Variants in OR8I2 observed in about 807,000 individuals in gnomAD.
OR8I2 encodes olfactory receptor 8I2.
For synonymous variants in OR8I2, 158 were observed against 142.8 expected (o/e 1.11, Z -0.76); for missense variants, 431 against 368.3 (o/e 1.17, Z -1.39).
chr11:56,093,593 G>A lies in OR8I2; in HGVS notation c.286G>A (p.Gly96Ser). Reference sequence around the variant, plus strand: ...CAATCGGAGATCCATCTCCTTTGTTGGCTGCTTTGTTCAAATGTACTTTTT... The same window carrying A: ...CAATCGGAGATCCATCTCCTTTGTTAGCTGCTTTGTTCAAATGTACTTTTT... The part of the protein sequence containing the change: ...QSNRRSISFV[G>S]CFVQMYFFVG... The change falls in exon 1 of 1, where the codon GGC becomes AGC. Residue 96 changes from glycine (G) to serine (S), a missense_variant. Gly to Ser is a moderately conservative substitution (Grantham distance 56). Transcript: ENST00000302124. 1 of 1,613,840 alleles carries A rather than the reference G, an allele frequency of 6.2e-7. No homozygotes were observed. The highest frequency in any genetic ancestry group is 8.5e-7 in the Non-Finnish European group (1 of 1,179,966).
In OR8I2 at chr11:56,093,836, T is replaced by C. The variant is rs372144234; in HGVS notation, c.529T>C (p.Phe177Leu). The C allele has an allele frequency of 1.9e-6, 3 of 1,614,082 alleles. No homozygotes were observed. Among genetic ancestry groups the C allele is most frequent in the Non-Finnish European group, 1.7e-6 (2 of 1,179,986 alleles). ...CTGTGATTCCAGCATCAATCATTTTTTTTGTGACACCACAGCTCTTTTAGC... is the reference window on the plus strand; with the variant it reads ...CTGTGATTCCAGCATCAATCATTTTCTTTGTGACACCACAGCTCTTTTAGC... ...AFCDSSINHF[F>L]CDTTALLALS... The change falls in exon 1 of 1, where the codon TTT becomes CTT. Residue 177 changes from phenylalanine (F) to leucine (L), a missense_variant. Coordinates refer to ENST00000302124, the MANE Select transcript of OR8I2 (RefSeq NM_001003750.1).
Position 56,093,676 on chromosome 11 carries a change from CATAGCA to C in OR8I2, c.372_377del (p.Ala125_Ile126del). Reference sequence around the variant, plus strand: ...TGGGATCAATGGCCTACAATCGCTACATAGCAATCTGCAATCCCTTACTGTATTCAG... The same window carrying C: ...TGGGATCAATGGCCTACAATCGCTACATCTGCAATCCCTTACTGTATTCAG... On this transcript the variant is annotated inframe_deletion, in exon 1 of 1. Coordinates refer to ENST00000302124, the MANE Select transcript of OR8I2 (RefSeq NM_001003750.1). 6.2e-7 allele frequency: 1 copy of C among 1,613,980 alleles called. No homozygotes were observed. The highest frequency in any genetic ancestry group is 8.5e-7 in the Non-Finnish European group (1 of 1,179,948).
In OR8I2 at chr11:56,094,099, A is replaced by G. The variant is rs1234407415; in HGVS notation, c.792A>G (p.Thr264=). Residue 264 remains threonine (T), a synonymous_variant, in exon 1 of 1, where the codon ACA becomes ACG. Coordinates refer to ENST00000302124, the MANE Select transcript of OR8I2 (RefSeq NM_001003750.1). ...TCACCTATTTGCAACCTGATAACAC[A>G]TCATCGCTGACCCAGGCGCAGGTGG... The part of the protein sequence containing the change: ...LIFTYLQPDN[T]SSLTQAQVAS... 1 of 1,613,826 alleles carries G rather than the reference A, an allele frequency of 6.2e-7. No homozygotes were observed. The highest frequency in any genetic ancestry group is 2.2e-5 in the East Asian group (1 of 44,860).
Position 56,093,332 on chromosome 11 carries a change from G to GT in OR8I2, c.27dup (p.Thr10TyrfsTer13). On this transcript the variant is annotated frameshift_variant, in exon 1 of 1. Transcript: ENST00000302124. LOFTEE classifies it low-confidence loss of function (END_TRUNC). Reference sequence around the variant, plus strand: ...AATGGCTGGCAACAATTTCACTGAGGTTACCGTCTTCATCCTCTCTGGATT... The same window carrying GT: ...AATGGCTGGCAACAATTTCACTGAGGTTTACCGTCTTCATCCTCTCTGGATT... 6.3e-7 allele frequency: 1 copy of GT among 1,590,980 alleles called. No individual in the cohort carries two copies. Among genetic ancestry groups the GT allele is most frequent in the East Asian group, 2.2e-5 (1 of 44,750 alleles).
Position 56,093,988 on chromosome 11 carries a change from C to T in OR8I2, c.681C>T (p.Ile227=). Residue 227 remains isoleucine, a synonymous_variant, in exon 1 of 1, where the codon ATC becomes ATT. Coordinates refer to ENST00000302124, the MANE Select transcript of OR8I2 (RefSeq NM_001003750.1). Reference sequence around the variant, plus strand: ...TCATCATCTCAGCCATCCTGAGGATCCAGTCAGCAGCAGGCAGGCAGAAGG... The same window carrying T: ...TCATCATCTCAGCCATCCTGAGGATTCAGTCAGCAGCAGGCAGGCAGAAGG... The part of the protein sequence containing the change: ...YIIIISAILR[I]QSAAGRQKAF... 3.7e-6 allele frequency: 6 copies of T among 1,613,936 alleles called. No individual in the cohort carries two copies. The highest frequency in any genetic ancestry group is 2.2e-5 in the East Asian group (1 of 44,854).
Position 56,094,121 on chromosome 11 carries a change from G to A in OR8I2, c.814G>A (p.Val272Met), listed in dbSNP as rs369995431. 1.9e-6 allele frequency: 3 copies of A among 1,613,786 alleles called. No homozygotes were observed. In the African/African-American group the frequency reaches 4.0e-5, roughly 22 times the overall value. ...CACATCATCGCTGACCCAGGCGCAG[G>A]TGGCATCTGTATTCTATACGATTGT... ...DNTSSLTQAQ[V>M]ASVFYTIVIP... Residue 272 changes from valine (V) to methionine (M), a missense_variant, in exon 1 of 1, where the codon GTG becomes ATG. Physicochemically the swap from Val to Met is conservative, Grantham distance 21. Transcript: ENST00000302124.
rs1394864559 is a variant in OR8I2 at position 56,093,762 on chromosome 11, G to C, written c.455G>C (p.Gly152Ala). 3 of 1,613,858 alleles carry C rather than the reference G, an allele frequency of 1.9e-6. No homozygotes were observed. Among genetic ancestry groups the C allele is most frequent in the Non-Finnish European group, 2.5e-6 (3 of 1,179,966 alleles). ...NWLGVMPYVI[G>A]FTSSLISVWV... is the part of the protein sequence containing the mutation. ...CTGGGAGTAATGCCATATGTGATAG[G>C]CTTCACAAGCTCGCTGATATCTGTC... The change falls in exon 1 of 1, where the codon GGC becomes GCC. Residue 152 changes from glycine (G) to alanine (A), a missense_variant. Transcript: ENST00000302124.
At position 56,093,600 on chromosome 11, in the gene OR8I2, T is replaced by A. The variant is rs1232751238; in HGVS notation, c.293T>A (p.Phe98Tyr). The A allele has an allele frequency of 6.2e-7, 1 of 1,614,038 alleles. No homozygotes were observed. The highest frequency in any genetic ancestry group is 8.5e-7 in the Non-Finnish European group (1 of 1,179,978). ...NRRSISFVGCFVQMYFFVGLV... is the reference protein window; with the variant it reads ...NRRSISFVGCYVQMYFFVGLV... Reference sequence around the variant, plus strand: ...AGATCCATCTCCTTTGTTGGCTGCTTTGTTCAAATGTACTTTTTTGTTGGA... The same window carrying A: ...AGATCCATCTCCTTTGTTGGCTGCTATGTTCAAATGTACTTTTTTGTTGGA... The change falls in exon 1 of 1, where the codon TTT becomes TAT. Residue 98 changes from phenylalanine to tyrosine, a missense_variant. Physicochemically the swap from Phe to Tyr is conservative, Grantham distance 22 (BLOSUM62 3). Coordinates refer to ENST00000302124, the MANE Select transcript of OR8I2 (RefSeq NM_001003750.1).
chr11:56,094,039 C>T lies in OR8I2; in HGVS notation c.732C>T (p.Leu244=), dbSNP rs759448888. 2 of 1,614,042 alleles carry T rather than the reference C, an allele frequency of 1.2e-6. No homozygotes were observed. The highest frequency in any genetic ancestry group is 2.7e-5 in the African/African-American group (2 of 75,016). The change falls in exon 1 of 1, where the codon CTC becomes CTT. Residue 244 remains leucine (L), a synonymous_variant. Transcript: ENST00000302124. ...QKAFSTCASH[L]MAVTIFYGSL... ...CCTTCTCCACCTGCGCATCCCACCT[C>T]ATGGCTGTAACTATCTTTTATGGGT...
In OR8I2 at chr11:56,093,571, T is replaced by C; in HGVS notation, c.264T>C (p.Asn88=). 2.5e-6 allele frequency: 4 copies of C among 1,614,040 alleles called. No homozygotes were observed. The highest frequency in any genetic ancestry group is 3.4e-6 in the Non-Finnish European group (4 of 1,179,968). ...TPKALVNFQS[N]RRSISFVGCF... is the part of the protein sequence containing the mutation. ...AGGCATTGGTGAATTTCCAATCCAATCGGAGATCCATCTCCTTTGTTGGCT... is the reference window on the plus strand; with the variant it reads ...AGGCATTGGTGAATTTCCAATCCAACCGGAGATCCATCTCCTTTGTTGGCT... The change falls in exon 1 of 1, where the codon AAT becomes AAC. Residue 88 remains asparagine, a synonymous_variant. Transcript: ENST00000302124.
chr11:56,093,555 T>C lies in OR8I2; in HGVS notation c.248T>C (p.Val83Ala), dbSNP rs750505231. Residue 83 changes from valine (V) to alanine (A), a missense_variant, in exon 1 of 1, where the codon GTG becomes GCG. Coordinates refer to ENST00000302124, the MANE Select transcript of OR8I2 (RefSeq NM_001003750.1). ...TCTACTGTAACACCTAAGGCATTGGTGAATTTCCAATCCAATCGGAGATCC... is the reference window on the plus strand; with the variant it reads ...TCTACTGTAACACCTAAGGCATTGGCGAATTTCCAATCCAATCGGAGATCC... ...YSSTVTPKAL[V>A]NFQSNRRSIS... 4.0e-5 allele frequency: 65 copies of C among 1,613,900 alleles called. No homozygotes were observed. Among genetic ancestry groups the C allele is most frequent in the Non-Finnish European group, 5.3e-5 (62 of 1,179,960 alleles).
In OR8I2 at chr11:56,093,920, A is replaced by G. The variant is rs543101818; in HGVS notation, c.613A>G (p.Thr205Ala). ...GGTGAGCTTTGTCTTAGCTGGATTC[A>G]CTCTTCTTAGCTCTCTCCTTATCAT... Reference protein sequence around the residue: ...EMVSFVLAGFTLLSSLLIITV... With the variant: ...EMVSFVLAGFALLSSLLIITV... Residue 205 changes from threonine (T) to alanine (A), a missense_variant, in exon 1 of 1, where the codon ACT (threonine) becomes GCT (alanine). By Grantham distance (58) the Thr-to-Ala change is moderately conservative. Transcript: ENST00000302124. 1 of 1,613,738 alleles carries G rather than the reference A, an allele frequency of 6.2e-7. No homozygotes were observed. The highest frequency in any genetic ancestry group is 8.5e-7 in the Non-Finnish European group (1 of 1,179,920).
Position 56,094,115 on chromosome 11 carries a change from G to A in OR8I2, c.808G>A (p.Ala270Thr). 2 of 1,613,970 alleles carry A rather than the reference G, an allele frequency of 1.2e-6. No homozygotes were observed. Among genetic ancestry groups the A allele is most frequent in the South Asian group, 1.1e-5 (1 of 91,078 alleles). ...TGATAACACATCATCGCTGACCCAGGCGCAGGTGGCATCTGTATTCTATAC... is the reference window on the plus strand; with the variant it reads ...TGATAACACATCATCGCTGACCCAGACGCAGGTGGCATCTGTATTCTATAC... ...QPDNTSSLTQ[A>T]QVASVFYTIV... is the part of the protein sequence containing the mutation. The change falls in exon 1 of 1, where the codon GCG becomes ACG. Residue 270 changes from alanine to threonine, a missense_variant. Physicochemically the swap from Ala to Thr is moderately conservative, Grantham distance 58. Coordinates refer to ENST00000302124, the MANE Select transcript of OR8I2 (RefSeq NM_001003750.1).
chr11:56,093,782 T>A lies in OR8I2; in HGVS notation c.475T>A (p.Ser159Thr), dbSNP rs777937310. The A allele has an allele frequency of 2.5e-6, 4 of 1,613,958 alleles. No individual in the cohort carries two copies. Among genetic ancestry groups the A allele is most frequent in the Non-Finnish European group, 3.4e-6 (4 of 1,179,934 alleles). Residue 159 changes from serine (S) to threonine (T), a missense_variant, in exon 1 of 1, where the codon TCT becomes ACT. Ser to Thr is a moderately conservative substitution (Grantham distance 58). Transcript: ENST00000302124. ...YVIGFTSSLI[S>T]VWVISSLAFC... ...GATAGGCTTCACAAGCTCGCTGATATCTGTCTGGGTGATAAGCAGTTTGGC... is the reference window on the plus strand; with the variant it reads ...GATAGGCTTCACAAGCTCGCTGATAACTGTCTGGGTGATAAGCAGTTTGGC...
rs1364028490 is a variant in OR8I2, at chr11:56,094,016, T to C, written c.709T>C (p.Phe237Leu). The change falls in exon 1 of 1, where the codon TTC becomes CTC. Residue 237 changes from phenylalanine to leucine, a missense_variant. Physicochemically the swap from Phe to Leu is conservative, Grantham distance 22. Transcript: ENST00000302124. ...IQSAAGRQKA[F>L]STCASHLMAV... ...GTCAGCAGCAGGCAGGCAGAAGGCCTTCTCCACCTGCGCATCCCACCTCAT... is the reference window on the plus strand; with the variant it reads ...GTCAGCAGCAGGCAGGCAGAAGGCCCTCTCCACCTGCGCATCCCACCTCAT... The C allele has an allele frequency of 6.2e-7, 1 of 1,613,998 alleles. No homozygotes were observed. The highest frequency in any genetic ancestry group is 1.7e-5 in the Admixed American group (1 of 59,944).
rs573506367 is a variant in OR8I2 at position 56,093,988 on chromosome 11, C to A, written c.681C>A (p.Ile227=). The A allele has an allele frequency of 5.6e-6, 9 of 1,613,936 alleles. No individual in the cohort carries two copies. In the South Asian group the frequency reaches 9.9e-5, roughly 18 times the overall value. Residue 227 remains isoleucine (I), a synonymous_variant, in exon 1 of 1, where the codon ATC becomes ATA. Transcript: ENST00000302124. ...TCATCATCTCAGCCATCCTGAGGAT[C>A]CAGTCAGCAGCAGGCAGGCAGAAGG... is the stretch of plus-strand genomic sequence containing the variant. ...YIIIISAILR[I]QSAAGRQKAF...
rs1853918156 is a variant in OR8I2, at chr11:56,094,013, G to A, written c.706G>A (p.Ala236Thr). Residue 236 changes from alanine (A) to threonine (T), a missense_variant, in exon 1 of 1, where the codon GCC (alanine) becomes ACC (threonine). By Grantham distance (58) the Ala-to-Thr change is moderately conservative. Coordinates refer to ENST00000302124, the MANE Select transcript of OR8I2 (RefSeq NM_001003750.1). ...CCAGTCAGCAGCAGGCAGGCAGAAGGCCTTCTCCACCTGCGCATCCCACCT... is the reference window on the plus strand; with the variant it reads ...CCAGTCAGCAGCAGGCAGGCAGAAGACCTTCTCCACCTGCGCATCCCACCT... ...RIQSAAGRQKAFSTCASHLMA... is the reference protein window; with the variant it reads ...RIQSAAGRQKTFSTCASHLMA... 6.2e-7 allele frequency: 1 copy of A among 1,613,898 alleles called. No individual in the cohort carries two copies. The highest frequency in any genetic ancestry group is 8.5e-7 in the Non-Finnish European group (1 of 1,179,966).
At position 56,093,336 on chromosome 11, in the gene OR8I2, C is replaced by T. The variant is rs1853907660; in HGVS notation, c.29C>T (p.Thr10Ile). 6.3e-7 allele frequency: 1 copy of T among 1,592,928 alleles called. No homozygotes were observed. Among genetic ancestry groups the T allele is most frequent in the African/African-American group, 1.3e-5 (1 of 74,226 alleles). Residue 10 changes from threonine (T) to isoleucine (I), a missense_variant, in exon 1 of 1, where the codon ACC (threonine) becomes ATC (isoleucine). Transcript: ENST00000302124. MAGNNFTEV[T>I]VFILSGFANH... ...GCTGGCAACAATTTCACTGAGGTTA[C>T]CGTCTTCATCCTCTCTGGATTTGCA...
Position 56,093,802 on chromosome 11 carries a change from T to C in OR8I2, c.495T>C (p.Ser165=), listed in dbSNP as rs145832034. ...TGATATCTGTCTGGGTGATAAGCAG[T>C]TTGGCGTTCTGTGATTCCAGCATCA... ...SSLISVWVIS[S]LAFCDSSINH... is the part of the protein sequence containing the mutation. Residue 165 remains serine (S), a synonymous_variant, in exon 1 of 1, where the codon AGT becomes AGC. Transcript: ENST00000302124. 2 of 1,385,024 alleles carry C rather than the reference T, an allele frequency of 1.4e-6. No individual in the cohort carries two copies. Among genetic ancestry groups the C allele is most frequent in the African/African-American group, 2.8e-5 (2 of 71,732 alleles). The allele number at this position is 1,385,024 out of a possible 1,614,324, so 85.8% of individuals were successfully genotyped here.
Sources: gnomAD v4.1 joint callset for allele counts on GRCh38, gnomAD v4.1.1 for gene constraint, MANE v1.5 for transcripts, NCBI Gene and HGNC (gene_info 2026-07-23, HGNC 2026-07-21) for gene names.